Variants in GLUD1 observed in about 807,000 individuals in gnomAD.
GLUD1 encodes the protein glutamate dehydrogenase 1.
A neutral mutation model predicts 56.0 loss-of-function variants in GLUD1; 22 were observed. The observed-to-expected ratio is 0.39, with a 90% CI of 0.28 to 0.56. The LOEUF (loss-of-function observed/expected upper bound fraction) is 0.56. Ranked by LOEUF, GLUD1 falls within the 20% of genes least tolerant of loss-of-function variation. The pLI, the probability that GLUD1 is intolerant of heterozygous loss-of-function variation, is 0.58. For missense variants in GLUD1, 451 were observed against 732.0 expected (o/e 0.62, Z 4.43); for synonymous variants, 223 against 269.9 (o/e 0.83, Z 1.70).
Position 87,051,823 on chromosome 10 carries a change from T to A in GLUD1, c.1605A>T (p.Arg535Ser), listed in dbSNP as rs1433161232. The part of the protein sequence containing the change: ...AMKYNLGLDL[R>S]TAAYVNAIEK... ...CAATGGCATTAACATAGGCAGCTGTTCTCAGGTCCAATCCCAGGTTATACT... is the reference window on the plus strand; with the variant it reads ...CAATGGCATTAACATAGGCAGCTGTACTCAGGTCCAATCCCAGGTTATACT... The change falls in exon 13 of 13, where the codon AGA becomes AGT. Residue 535 changes from arginine (R) to serine (S), a missense_variant. Arg to Ser is a moderately radical substitution (Grantham distance 110). Coordinates refer to ENST00000277865, the MANE Select transcript of GLUD1 (RefSeq NM_005271.5). The A allele has an allele frequency of 6.2e-7, 1 of 1,613,940 alleles. No individual in the cohort carries two copies. The highest frequency in any genetic ancestry group is 1.7e-5 in the Admixed American group (1 of 60,028).
intron 1 of GLUD1, among the ~76,000 whole-genome samples, chr10:87,093,251 C>G (rs1309745505): frequency 3.3e-5 from 5 of 152,210 alleles, no homozygotes; most frequent in African/African-American, 1.2e-4. Context: ...TCTAGCCCAA[C>G]ATCCTCTGTG....
chr10:87,091,128 T>C (rs1230284909), intron 1 of GLUD1, among the ~76,000 whole-genome samples: 2 of 152,208 alleles, frequency 1.3e-5, no homozygotes, highest in African/African-American at 4.8e-5. Flanking sequence ...GGTCAATGTA[T>C]GAGAGAACTC....
At chr10:87,080,149 G>A (rs1490410596) in intron 1 of GLUD1, among the ~76,000 whole-genome samples, 2 of 151,860 alleles carry the variant, frequency 1.3e-5, no homozygotes, top group Non-Finnish European at 2.9e-5. Context: ...TGTGTTGGCC[G>A]GGCTGGTCTC....
chr10:87,059,161 T>C lies in GLUD1; in HGVS notation c.1391A>G (p.Tyr464Cys). The C allele has an allele frequency of 1.9e-6, 3 of 1,612,872 alleles. No individual in the cohort carries two copies. Among genetic ancestry groups the C allele is most frequent in the South Asian group, 2.2e-5 (2 of 91,022 alleles). The change falls in exon 10 of 13, where the codon TAC becomes TGC. Residue 464 changes from tyrosine (Y) to cysteine (C), a missense_variant. Around this residue, in one of 4 missense-constraint regions of GLUD1, gnomAD observed 248 missense variants for 460.0 expected, o/e 0.54. Transcript: ENST00000277865. ...TTATCGATACTCACTGAGCAAGTGGTAGTTAGAATCCCTTTCATATTTGAA... is the reference window on the plus strand; with the variant it reads ...TTATCGATACTCACTGAGCAAGTGGCAGTTAGAATCCCTTTCATATTTGAA... The part of the protein sequence containing the change: ...LTFKYERDSN[Y>C]HLLMSVQESL...
intron 11 of GLUD1, among the ~76,000 whole-genome samples, chr10:87,055,066 T>C (rs1845731683): frequency 6.6e-6 from 1 of 152,152 alleles, no homozygotes; most frequent in Non-Finnish European, 1.5e-5. Context: ...GGAGAATGAA[T>C]GAAACACGGA....
chr10:87,089,156 G>A (rs1463956010), intron 1 of GLUD1, among the ~76,000 whole-genome samples: 1 of 152,230 alleles, frequency 6.6e-6, no homozygotes, highest in Non-Finnish European at 1.5e-5. Context: ...AGGTATCTAT[G>A]ATCCAAAGTA....
intron 1 of GLUD1, among the ~76,000 whole-genome samples, chr10:87,093,129 G>C (rs1451563304): frequency 6.6e-6 from 1 of 152,136 alleles, no homozygotes; most frequent in Non-Finnish European, 1.5e-5. Context: ...CCCCCTGCTG[G>C]GAACACCAGC....
At chr10:87,061,136 T>C in intron 6 of GLUD1, 84 bp from the exon 7 acceptor site, 4 of 1,248,258 alleles carry the variant, frequency 3.2e-6, no homozygotes, top group Non-Finnish European at 3.5e-6. Context: ...TGTAAATCCA[T>C]ACTCTGTTTA....
intron 12 of GLUD1, 141 bp from the exon 13 acceptor site, chr10:87,052,011 T>C: frequency 1.1e-6 from 1 of 920,876 alleles, no homozygotes; most frequent in African/African-American, 1.6e-5. Flanking sequence ...GACAAACTAC[T>C]CTAGCAGCAG....
chr10:87,062,110 G>T (rs9732169), intron 6 of GLUD1, among the ~76,000 whole-genome samples: 2,839 of 152,216 alleles, frequency 0.019, 104 homozygotes, highest in African/African-American at 0.064. Context: ...TAGAGACAGG[G>T]TTTCACCATG....
chr10:87,067,468 C>A (rs1052563547), intron 5 of GLUD1, among the ~76,000 whole-genome samples: 1 of 152,234 alleles, frequency 6.6e-6, no homozygotes, highest in Non-Finnish European at 1.5e-5. Context: ...TCAAGTGATC[C>A]ACCTGCCTTG....
At chr10:87,075,303 T>A (rs1846355588) in intron 3 of GLUD1, among the ~76,000 whole-genome samples, 1 of 152,128 alleles carries the variant, frequency 6.6e-6, no homozygotes, top group African/African-American at 2.4e-5. Flanking sequence ...GGTATAAGTG[T>A]CTAAGTGAAG....
At chr10:87,060,440 T>C (rs1845899995) in intron 8 of GLUD1, 199 bp from the exon 9 acceptor site, 1 of 663,612 alleles carries the variant, frequency 1.5e-6, no homozygotes, top group East Asian at 2.7e-5. Flanking sequence ...TTTTTTTTTG[T>C]TTGCTTGTTT....
intron 8 of GLUD1, chr10:87,060,452 T>TC: frequency 1.5e-6 from 1 of 662,848 alleles, no homozygotes; most frequent in Non-Finnish European, 2.6e-6. Flanking sequence ...TGCTTGTTTT[T>TC]TTTTTTTACA....
intron 4 of GLUD1, among the ~76,000 whole-genome samples, chr10:87,071,313 C>T (rs1293807887): frequency 1.3e-5 from 2 of 151,842 alleles, no homozygotes; most frequent in South Asian, 2.1e-4. Context: ...CTGCCTCAGC[C>T]TCCTGAGTAG....
intron 9 of GLUD1, 43 bp downstream of exon 9, chr10:87,060,118 G>T: frequency 8.3e-7 from 1 of 1,204,118 alleles, no homozygotes; most frequent in Non-Finnish European, 1.2e-6. Context: ...AGACTATTAT[G>T]ATTCTAAGTA....
intron 5 of GLUD1, among the ~76,000 whole-genome samples, chr10:87,063,169 G>A (rs988838013): frequency 4.6e-5 from 7 of 152,044 alleles, no homozygotes; most frequent in African/African-American, 1.7e-4. Context: ...CACCTCCCAG[G>A]TTCAAGCGAT....
chr10:87,061,915 C>T (rs1413970536), intron 6 of GLUD1, among the ~76,000 whole-genome samples: 3 of 152,194 alleles, frequency 2.0e-5, no homozygotes, highest in Admixed American at 1.3e-4. Context: ...TCCAGAGTAG[C>T]TGGGACTACA....
intron 5 of GLUD1, 97 bp from the exon 6 acceptor site, chr10:87,062,932 C>A (rs575542922): frequency 9.6e-5 from 105 of 1,096,460 alleles, no homozygotes; most frequent in Non-Finnish European, 1.4e-4. Context: ...CTCATTTAAT[C>A]AAAAATATGC....
Sources: allele counts gnomAD v4.1 joint callset (sites outside exome capture counted in the v4.1 genomes callset), GRCh38; gene constraint gnomAD v4.1.1; regional missense constraint gnomAD v4.1.1; transcripts MANE v1.5; gene names NCBI Gene and HGNC (gene_info 2026-07-23, HGNC 2026-07-21).